Variants in EVC2 observed in about 807,000 individuals in gnomAD.
EVC2 encodes the protein EvC ciliary complex subunit 2.
EVC2 carries 148 observed loss-of-function variants against 149.3 expected under a neutral mutation model. That is an observed-to-expected ratio of 0.99 (90% confidence interval 0.87 to 1.14). The LOEUF (loss-of-function observed/expected upper bound fraction) is 1.14. Among genes scored for constraint, EVC2 ranks in the 50% most tolerant of loss-of-function variants. The probability of loss-of-function intolerance (pLI) is 0.00; values close to 1 mark genes in which losing one functional copy is unlikely to be tolerated. For missense variants in EVC2, 1,854 were observed against 1,627.3 expected, an observed-to-expected ratio of 1.14 and a Z score of -2.40; for synonymous variants, 776 against 649.9, an observed-to-expected ratio of 1.19 and a Z score of -2.95.
chr4:5,620,792 C>T (rs1175831046), intron 14 of EVC2, among the ~76,000 whole-genome samples: 1 of 152,110 alleles, frequency 6.6e-6, no homozygotes, highest in Non-Finnish European at 1.5e-5. Flanking sequence ...CGAATCCAAA[C>T]GAAGTTGAAG....
chr4:5,608,540 T>C (rs567971791), intron 16 of EVC2, among the ~76,000 whole-genome samples: 14 of 151,694 alleles, frequency 9.2e-5, no homozygotes, highest in African/African-American at 3.4e-4. Flanking sequence ...TATTTTATTA[T>C]TTTATTTTAA....
rs550791586 is a variant in EVC2, at chr4:5,673,693, C to T, written c.870+7567G>A. Reference sequence around the variant, plus strand: ...ATTCTGTCACTGCATTTATGAAGAGCGATGCTGGATAAACAGGCCTTTCAA... The same window carrying T: ...ATTCTGTCACTGCATTTATGAAGAGTGATGCTGGATAAACAGGCCTTTCAA... On this transcript the variant is annotated intron_variant, in intron 7 of 21. Coordinates refer to ENST00000344408, the MANE Select transcript of EVC2 (RefSeq NM_147127.5). 5.9e-5 allele frequency among the ~76,000 whole-genome samples: 9 copies of T among 152,306 alleles called. No individual in the cohort carries two copies. In the South Asian group the frequency reaches 6.2e-4, roughly 11 times the overall value.
the EVC2 span, among the ~76,000 whole-genome samples, chr4:5,534,280 G>A: frequency 6.6e-6 from 1 of 152,170 alleles, no homozygotes; most frequent in Non-Finnish European, 1.5e-5. Flanking sequence ...GAATTTGTGG[G>A]TGCTGTTCAC....
intron 17 of EVC2, among the ~76,000 whole-genome samples, chr4:5,582,806 G>A (rs1467802391): frequency 6.6e-6 from 1 of 152,170 alleles, no homozygotes; most frequent in Non-Finnish European, 1.5e-5. Context: ...GATCCCTTCG[G>A]TGCTGTTCTC....
At chr4:5,575,115 T>C (rs1168701592) in intron 18 of EVC2, among the ~76,000 whole-genome samples, 2 of 152,204 alleles carry the variant, frequency 1.3e-5, no homozygotes, top group African/African-American at 4.8e-5. Context: ...GACCAAGATC[T>C]GGGGTCTACA....
At chr4:5,659,149 C>T (rs76332814) in intron 9 of EVC2, among the ~76,000 whole-genome samples, 1,652 of 152,278 alleles carry the variant, frequency 0.011, 39 homozygotes, top group African/African-American at 0.036. Context: ...AGTTACAGCT[C>T]TCATGGGGCT....
intron 9 of EVC2, among the ~76,000 whole-genome samples, chr4:5,641,114 A>T (rs1717298851): frequency 6.6e-6 from 1 of 152,216 alleles, no homozygotes; most frequent in East Asian, 1.9e-4. Context: ...AGCAACAACA[A>T]GGAAACCAAG....
At position 5,615,410 on chromosome 4, in the gene EVC2, A is replaced by C; in HGVS notation, c.2829+12T>G. On this transcript the variant is annotated intron_variant, in intron 16 of 21. Coordinates refer to ENST00000344408, the MANE Select transcript of EVC2 (RefSeq NM_147127.5). ...GCAGAGAGAAACAGCTGGGTGAAGCAGATGTACTGACCTTTTCCACCAGGT... is the reference window on the plus strand; with the variant it reads ...GCAGAGAGAAACAGCTGGGTGAAGCCGATGTACTGACCTTTTCCACCAGGT... 3.7e-6 allele frequency: 6 copies of C among 1,614,222 alleles called. No homozygotes were observed. In the Middle Eastern group the frequency reaches 4.9e-4, roughly 133 times the overall value.
In EVC2 at chr4:5,657,499, T is replaced by C. The variant is rs1718600612; in HGVS notation, c.1145+5608A>G. Among the ~76,000 whole-genome samples, 3 of 152,040 alleles carry C rather than the reference T, an allele frequency of 2.0e-5. No homozygotes were observed. ...CCACATCACATCTGGAAACATGTTG[T>C]GTTGTCTTCTGGTTTGAGTAATGCT... is the stretch of plus-strand genomic sequence containing the variant. On this transcript the variant is annotated intron_variant, in intron 9 of 21. Coordinates refer to ENST00000344408, the MANE Select transcript of EVC2 (RefSeq NM_147127.5). This position sits in a 1 kb window ranked among gnomAD's most constrained non-coding sequence, Gnocchi z 4.7.
intron 11 of EVC2, among the ~76,000 whole-genome samples, chr4:5,630,665 T>C (rs1248955117): frequency 6.6e-6 from 1 of 152,104 alleles, no homozygotes; most frequent in Non-Finnish European, 1.5e-5. Context: ...CGTGAACACA[T>C]TACTGCACTG....
intron 7 of EVC2, 80 bp from the exon 8 acceptor site, chr4:5,665,729 G>A (rs1719236646): frequency 2.0e-5 from 32 of 1,576,424 alleles, no homozygotes; most frequent in Non-Finnish European, 2.5e-5. Flanking sequence ...TTGAGTGTCA[G>A]AGCAGACCAA....
intron 6 of EVC2, among the ~76,000 whole-genome samples, chr4:5,682,611 C>A (rs1039931339): frequency 1.3e-5 from 2 of 151,782 alleles, no homozygotes; most frequent in Non-Finnish European, 1.5e-5. Flanking sequence ...GTAATCTCAG[C>A]ACTTTGGGAG....
chr4:5,676,750 A>G (rs1224058914), intron 7 of EVC2, among the ~76,000 whole-genome samples: 1 of 152,128 alleles, frequency 6.6e-6, no homozygotes, highest in East Asian at 1.9e-4. Context: ...CAGCCCATGG[A>G]GTTCTCTCTC....
Position 5,640,912 on chromosome 4 carries a change from G to T in EVC2, c.1146-74C>A. On this transcript the variant is annotated intron_variant, in intron 9 of 21. Transcript: ENST00000344408. This position sits in a 1 kb window ranked among gnomAD's most constrained non-coding sequence, Gnocchi z 4.6. ...GAAACCAAAGGTCTTTCAAAGCTCT[G>T]AGGTTTTCATTTATGTGTAGGCAAG... The T allele has an allele frequency of 1.3e-6, 2 of 1,562,158 alleles. No homozygotes were observed. Among genetic ancestry groups the T allele is most frequent in the Non-Finnish European group, 8.8e-7 (1 of 1,136,730 alleles).
rs373662297 is a variant in EVC2, at chr4:5,635,200, C to T, written c.1471-3168G>A. Among the ~76,000 whole-genome samples, 5 of 152,008 alleles carry T rather than the reference C, an allele frequency of 3.3e-5. 1 individual carries two copies. In the South Asian group the frequency reaches 6.2e-4, roughly 19 times the overall value. ...TACAGGTGTCCACCACCATGCCCAG[C>T]TAATTTTTGTATTTTTAGTAGAGGC... is the stretch of plus-strand genomic sequence containing the variant. On this transcript the variant is annotated intron_variant, in intron 10 of 21. Transcript: ENST00000344408.
chr4:5,593,206 G>C (rs948638568), intron 16 of EVC2, among the ~76,000 whole-genome samples: 1 of 152,116 alleles, frequency 6.6e-6, no homozygotes, highest in Non-Finnish European at 1.5e-5. Flanking sequence ...AGTAGTGTGA[G>C]AATGGACTAA....
chr4:5,665,912 C>T (rs1719250204), intron 7 of EVC2, among the ~76,000 whole-genome samples: 1 of 152,142 alleles, frequency 6.6e-6, no homozygotes, highest in Non-Finnish European at 1.5e-5. Context: ...AGCCGCACGC[C>T]TAGCACATCA....
chr4:5,569,517 C>T lies in EVC2; in HGVS notation c.3361-877G>A, dbSNP rs2108771897. 6.6e-6 allele frequency among the ~76,000 whole-genome samples: 1 copy of T among 152,208 alleles called. No homozygotes were observed. The highest frequency in any genetic ancestry group is 1.5e-5 in the Non-Finnish European group (1 of 68,008). On this transcript the variant is annotated intron_variant, in intron 19 of 21. Transcript: ENST00000344408. The surrounding 1 kb of genome is among the most constrained non-coding windows in gnomAD (Gnocchi z 4.8). ...TTCAAAATTAAAAATTTTGGCCAGG[C>T]ATGGGGGCTCACATCTGTAATCCCA...
In EVC2 at chr4:5,708,307, C is replaced by T; in HGVS notation, c.207G>A (p.Ala69=). The part of the protein sequence containing the change: ...GLRIPPGRSG[A]GPESSTQDLP... ...TTACCTGCGTGCTGCTCTCGGGCCC[C>T]GCCCCGCTCCGCCCCGGAGGGATCC... The change falls in exon 1 of 22, where the codon GCG becomes GCA. Residue 69 remains alanine, a synonymous_variant. Transcript: ENST00000344408. The T allele has an allele frequency of 6.8e-7, 1 of 1,463,434 alleles. No homozygotes were observed. Among genetic ancestry groups the T allele is most frequent in the South Asian group, 1.3e-5 (1 of 74,354 alleles). The allele number at this position is 1,463,434 out of a possible 1,614,324, so 90.7% of individuals were successfully genotyped here.
Sources: allele counts gnomAD v4.1 joint callset (sites outside exome capture counted in the v4.1 genomes callset), GRCh38; gene constraint gnomAD v4.1.1; non-coding constraint Gnocchi (gnomAD v3.1); transcripts MANE v1.5; gene names NCBI Gene and HGNC (gene_info 2026-07-23, HGNC 2026-07-21).